LYPLAL1: variants seen among roughly 807,000 people sequenced by gnomAD.
The protein encoded by LYPLAL1 is lysophospholipase-like protein 1.
LYPLAL1 carries 23 observed loss-of-function variants against 19.7 expected under a neutral mutation model. The observed-to-expected ratio is 1.17, with a 90% CI of 0.84 to 1.65. The LOEUF is 1.65. LYPLAL1 is among the 40% of genes most tolerant of loss of function. The probability of loss-of-function intolerance (pLI) is 0.00; values close to 1 mark genes in which losing one functional copy is unlikely to be tolerated. For missense variants in LYPLAL1, 355 were observed against 279.4 expected, an observed-to-expected ratio of 1.27 and a Z score of -1.93; for synonymous variants, 119 against 96.3, an observed-to-expected ratio of 1.24 and a Z score of -1.38.
chr1:219,291,923 C>G, the LYPLAL1 span, among the ~76,000 whole-genome samples: 11 of 151,870 alleles, frequency 7.2e-5, no homozygotes, highest in African/African-American at 2.4e-4. Context: ...AAAAACTTAG[C>G]TTGCTTACTT....
the LYPLAL1 span, among the ~76,000 whole-genome samples, chr1:219,268,096 G>A: frequency 1.3e-5 from 2 of 152,190 alleles, no homozygotes. Context: ...GTATGGCAGT[G>A]AGCAAAACAC....
chr1:219,314,638 G>A, the LYPLAL1 span, among the ~76,000 whole-genome samples: 1 of 152,066 alleles, frequency 6.6e-6, no homozygotes. Flanking sequence ...TAGAGACGGG[G>A]TTTCACCGTG....
chr1:219,355,396 A>C, the LYPLAL1 span, among the ~76,000 whole-genome samples: 9 of 152,248 alleles, frequency 5.9e-5, no homozygotes, highest in Non-Finnish European at 1.3e-4. Flanking sequence ...TAAAATAAAA[A>C]GGGAACACTG....
At chr1:219,376,257 T>G in the LYPLAL1 span, among the ~76,000 whole-genome samples, 1 of 1,932 alleles carries the variant, frequency 5.2e-4, no homozygotes, top group South Asian at 0.12. Context: ...CTTCAACAAA[T>G]GGTGTTTAAA....
chr1:219,361,574 C>T, the LYPLAL1 span, among the ~76,000 whole-genome samples: 50 of 152,112 alleles, frequency 3.3e-4, no homozygotes, highest in Non-Finnish European at 6.8e-4. Context: ...GCTTTGGGCT[C>T]CTTCACACTC....
the LYPLAL1 span, among the ~76,000 whole-genome samples, chr1:219,327,595 C>A: frequency 6.6e-6 from 1 of 151,888 alleles, no homozygotes; most frequent in African/African-American, 2.4e-5. Context: ...AGAAACTATT[C>A]TGTTGTTGAT....
chr1:219,324,350 G>C, the LYPLAL1 span, among the ~76,000 whole-genome samples: 1 of 152,140 alleles, frequency 6.6e-6, no homozygotes, highest in Non-Finnish European at 1.5e-5. Flanking sequence ...GAAATGCCTG[G>C]AGGAACTGGG....
the LYPLAL1 span, among the ~76,000 whole-genome samples, chr1:219,275,132 C>T: frequency 6.6e-6 from 1 of 152,204 alleles, no homozygotes; most frequent in African/African-American, 2.4e-5. Flanking sequence ...TCCCCAGCCT[C>T]CATCCAATTT....
the LYPLAL1 span, among the ~76,000 whole-genome samples, chr1:219,386,312 G>C: frequency 6.6e-6 from 1 of 152,178 alleles, no homozygotes; most frequent in Non-Finnish European, 1.5e-5. Flanking sequence ...TTAAGAGAAA[G>C]TGAACCATTA....
chr1:219,211,893 A>G lies in LYPLAL1; in HGVS notation c.*165A>G, dbSNP rs1002135736. The G allele has an allele frequency of 4.4e-6, 2 of 456,294 alleles. No individual in the cohort carries two copies. The highest frequency in any genetic ancestry group is 3.3e-5 in the East Asian group (1 of 30,038). 28.3% of individuals were successfully genotyped at this position (456,294 alleles called of 1,614,324 possible). On this transcript the variant is annotated 3_prime_UTR_variant, in exon 5 of 5. Coordinates refer to ENST00000366928, the MANE Select transcript of LYPLAL1 (RefSeq NM_138794.5). ...GACAGTAGCTAATCTTATTAATGAAAAACAATAGACAAACATCTGTGCATA... is the reference window on the plus strand; with the variant it reads ...GACAGTAGCTAATCTTATTAATGAAGAACAATAGACAAACATCTGTGCATA...
intron 3 of LYPLAL1, chr1:219,198,526 T>C (rs1306406726): frequency 6.6e-6 from 1 of 152,152 alleles, no homozygotes; most frequent in Non-Finnish European, 1.5e-5. Flanking sequence ...ACATAAGTTA[T>C]TAAACATTTA....
the LYPLAL1 span, among the ~76,000 whole-genome samples, chr1:219,322,521 A>AT: frequency 8.5e-5 from 13 of 152,124 alleles, no homozygotes; most frequent in African/African-American, 3.1e-4. Flanking sequence ...AATGAAATGT[A>AT]TTTTTTCTTT....
the LYPLAL1 span, among the ~76,000 whole-genome samples, chr1:219,331,708 T>C: frequency 6.6e-6 from 1 of 152,120 alleles, no homozygotes; most frequent in South Asian, 2.1e-4. Context: ...AGAGATTAGG[T>C]ATTGGAGCCA....
At chr1:219,217,407 T>TGTGTGTGTGTGTGTGTGTGTGTGTGA (rs1225833975), downstream of LYPLAL1, among the ~76,000 whole-genome samples, 12 of 116,222 alleles carry the variant, frequency 1.0e-4, no homozygotes, top group African/African-American at 3.6e-4. Context: ...TGTGTGTGTG[T>TGTGTGTGTGTGTGTGTGTGTGTGTGA]GAGAGATGGT....
the LYPLAL1 span, among the ~76,000 whole-genome samples, chr1:219,405,696 T>A: frequency 6.6e-6 from 1 of 152,182 alleles, no homozygotes; most frequent in African/African-American, 2.4e-5. Context: ...AATAGCAGGC[T>A]TCATGCTGTG....
the LYPLAL1 span, among the ~76,000 whole-genome samples, chr1:219,332,029 A>G: frequency 2.0e-5 from 3 of 152,198 alleles, no homozygotes; most frequent in Admixed American, 2.0e-4. Context: ...ATGGAAAAGG[A>G]AGAATTTTAC....
At chr1:219,208,200 T>C (rs2125110743) in intron 3 of LYPLAL1, among the ~76,000 whole-genome samples, 1 of 152,214 alleles carries the variant, frequency 6.6e-6, no homozygotes, top group East Asian at 1.9e-4. Context: ...GAGATAGGGA[T>C]TCTTAAACTG....
In LYPLAL1 at chr1:219,210,474, A is replaced by G. The variant is rs778254454; in HGVS notation, c.362-58A>G. 7.9e-6 allele frequency: 9 copies of G among 1,138,368 alleles called. No individual in the cohort carries two copies. In the South Asian group the frequency reaches 8.8e-5, roughly 11 times the overall value. The allele number at this position is 1,138,368 out of a possible 1,614,324, so 70.5% of individuals were successfully genotyped here. A position where few individuals can be genotyped will look rare whatever the true frequency, so the allele number is the denominator to read the frequency against. ...TTAAAAATATGGAAAATTGTTATAT[A>G]TCATATCCTAAATTATTATTTTATG... On this transcript the variant is annotated intron_variant, in intron 3 of 4. Transcript: ENST00000366928.
the LYPLAL1 span, among the ~76,000 whole-genome samples, chr1:219,392,569 C>T: frequency 2.0e-5 from 3 of 152,218 alleles, no homozygotes; most frequent in African/African-American, 4.8e-5. Context: ...CCACCTTGAG[C>T]TCAGCAATAC....
Sources: allele counts gnomAD v4.1 joint callset (sites outside exome capture counted in the v4.1 genomes callset), GRCh38; gene constraint gnomAD v4.1.1; transcripts MANE v1.5; gene names NCBI Gene and HGNC (gene_info 2026-07-23, HGNC 2026-07-21).